Variants in STK3 observed in about 807,000 individuals in gnomAD.
The protein encoded by STK3 is serine/threonine kinase 3.
Under a neutral mutation model 58.0 loss-of-function variants are expected in STK3, and 41 were observed. The observed-to-expected ratio is 0.71, with a 90% confidence interval of 0.55 to 0.92. STK3 has a LOEUF of 0.92. Ranked by LOEUF, STK3 falls within the 40% of genes least tolerant of loss-of-function variation. The pLI is 0.00. For synonymous variants in STK3, 170 were observed against 191.0 expected (o/e 0.89, Z 0.91); for missense variants, 479 against 602.7 (o/e 0.79, Z 2.15).
At chr8:98,776,982 G>T (rs944106811) in intron 1 of STK3, among the ~76,000 whole-genome samples, 4 of 151,848 alleles carry the variant, frequency 2.6e-5, no homozygotes, top group Admixed American at 2.6e-4. Flanking sequence ...CCCAGGAGGC[G>T]GAGCTTGCCG....
chr8:98,931,009 C>T (rs2132036998), intron 1 of STK3, among the ~76,000 whole-genome samples: 1 of 152,304 alleles, frequency 6.6e-6, no homozygotes, highest in South Asian at 2.1e-4. Context: ...AAGTTCCTAA[C>T]CCACAGCTTC....
chr8:98,931,643 TTTG>T (rs1040438837), intron 1 of STK3, among the ~76,000 whole-genome samples: 66 of 152,354 alleles, frequency 4.3e-4, no homozygotes, highest in African/African-American at 1.3e-3. Context: ...AACAGCCATT[TTTG>T]TTAAGTACAA....
chr8:98,748,572 T>A (rs1386428364), intron 4 of STK3, among the ~76,000 whole-genome samples: 1 of 152,054 alleles, frequency 6.6e-6, no homozygotes, highest in Non-Finnish European at 1.5e-5. Context: ...ATGTTACTGC[T>A]ACAGAATTAC....
intron 7 of STK3, among the ~76,000 whole-genome samples, chr8:98,589,753 C>T (rs1815092993): frequency 6.6e-6 from 1 of 152,228 alleles, no homozygotes; most frequent in Non-Finnish European, 1.5e-5. Flanking sequence ...CAGCGAGACT[C>T]CGTGGGCATA....
intron 1 of STK3, among the ~76,000 whole-genome samples, chr8:98,932,829 A>G (rs1430657489): frequency 6.6e-6 from 1 of 152,204 alleles, no homozygotes; most frequent in Non-Finnish European, 1.5e-5. Context: ...GATACAGCCA[A>G]TTACTCTGCT....
At chr8:98,665,012 T>C (rs1162584716) in intron 6 of STK3, among the ~76,000 whole-genome samples, 1 of 152,186 alleles carries the variant, frequency 6.6e-6, no homozygotes, top group Non-Finnish European at 1.5e-5. Flanking sequence ...AACATTCTTA[T>C]AATTGTATGT....
downstream of STK3, among the ~76,000 whole-genome samples, chr8:98,450,603 TAA>T (rs1819154640): frequency 6.6e-6 from 1 of 152,154 alleles, no homozygotes; most frequent in African/African-American, 2.4e-5. Flanking sequence ...GAAAGACTGA[TAA>T]GAGAGAATAT....
At chr8:98,701,145 G>A (rs1232522290) in intron 6 of STK3, among the ~76,000 whole-genome samples, 1 of 150,664 alleles carries the variant, frequency 6.6e-6, no homozygotes, top group Non-Finnish European at 1.5e-5. Flanking sequence ...ACTCCTTCCT[G>A]CCTGGGTGAC....
At chr8:98,611,208 G>A (rs1724246126) in intron 6 of STK3, among the ~76,000 whole-genome samples, 1 of 151,956 alleles carries the variant, frequency 6.6e-6, no homozygotes, top group African/African-American at 2.4e-5. Flanking sequence ...ACAGTATAAT[G>A]CCCAGTACAA....
intron 8 of STK3, among the ~76,000 whole-genome samples, chr8:98,553,017 GA>G (rs1392006284): frequency 3.9e-5 from 6 of 152,228 alleles, no homozygotes; most frequent in African/African-American, 1.4e-4. Context: ...AGTGCTACAA[GA>G]AAAGTGTTGA....
At chr8:98,380,976 T>C (rs1169371006) in intron 1 of STK3, among the ~76,000 whole-genome samples, 1 of 141,812 alleles carries the variant, frequency 7.1e-6, no homozygotes, top group Non-Finnish European at 1.5e-5. Flanking sequence ...TTTTTTTTTT[T>C]TTTTTTTTTT....
intron 8 of STK3, among the ~76,000 whole-genome samples, chr8:98,568,863 AGAGAG>A (rs1235215087): frequency 6.6e-6 from 1 of 152,192 alleles, no homozygotes; most frequent in African/African-American, 2.4e-5. Flanking sequence ...ATCCAGAGAC[AGAGAG>A]GAGAGACAGT....
intron 3 of STK3, among the ~76,000 whole-genome samples, chr8:98,835,681 C>T (rs1221160257): frequency 6.6e-6 from 1 of 152,162 alleles, no homozygotes; most frequent in African/African-American, 2.4e-5. Context: ...CTGCAAAGTT[C>T]CAGAAGGAAG....
At chr8:98,373,173 A>T (rs890206431) in intron 2 of STK3, among the ~76,000 whole-genome samples, 1 of 152,080 alleles carries the variant, frequency 6.6e-6, no homozygotes, top group Admixed American at 6.5e-5. Flanking sequence ...GGCAGTTATT[A>T]TTCTTGCTTT....
At chr8:98,603,745 C>T (rs550338370) in intron 6 of STK3, among the ~76,000 whole-genome samples, 208 of 150,446 alleles carry the variant, frequency 1.4e-3, no homozygotes, top group African/African-American at 1.9e-3. Context: ...ATGCTGGAAG[C>T]GGGGCCTGGG....
chr8:98,475,576 A>G (rs1821244934), intron 10 of STK3, among the ~76,000 whole-genome samples: 1 of 152,224 alleles, frequency 6.6e-6, no homozygotes, highest in Non-Finnish European at 1.5e-5. Flanking sequence ...TCCATGTACT[A>G]TTACAAAAAT....
At chr8:98,776,905 C>A (rs1807989951) in intron 1 of STK3, among the ~76,000 whole-genome samples, 1 of 151,946 alleles carries the variant, frequency 6.6e-6, no homozygotes, top group Admixed American at 6.6e-5. Context: ...GAAAAATAAG[C>A]CAGGCATGGT....
At chr8:98,486,223 CT>C (rs372720164) in intron 10 of STK3, among the ~76,000 whole-genome samples, 90 of 152,224 alleles carry the variant, frequency 5.9e-4, no homozygotes, top group Non-Finnish European at 9.3e-4. Flanking sequence ...GGAAAAAAAA[CT>C]GTGAGAAAAA....
At chr8:98,751,289 C>T (rs1396350843) in intron 3 of STK3, among the ~76,000 whole-genome samples, 2 of 152,124 alleles carry the variant, frequency 1.3e-5, no homozygotes, top group Admixed American at 6.5e-5. Flanking sequence ...AAAGGTCATC[C>T]AAATAGGAAG....
Sources: allele counts gnomAD v4.1 joint callset (sites outside exome capture counted in the v4.1 genomes callset), GRCh38; gene constraint gnomAD v4.1.1; transcripts MANE v1.5; gene names NCBI Gene and HGNC (gene_info 2026-07-23, HGNC 2026-07-21).